The following CAMSAP2 variants were observed in gnomAD, a reference collection of about 807,000 sequenced individuals.
The protein encoded by CAMSAP2 is calmodulin regulated spectrin associated protein family member 2.
In CAMSAP2, 26 loss-of-function variants were observed where a neutral mutation model predicts 146.1. The observed-to-expected ratio is 0.18, with a 90% CI of 0.13 to 0.25. CAMSAP2 has a LOEUF of 0.25. Ranked by LOEUF, CAMSAP2 falls within the 10% of genes least tolerant of loss-of-function variation. The pLI, the probability that CAMSAP2 is intolerant of heterozygous loss-of-function variation, is 1.00. For missense variants in CAMSAP2, 1,381 were observed against 1,759.3 expected, an observed-to-expected ratio of 0.78 and a Z score of 3.85; for synonymous variants, 499 against 596.6, an observed-to-expected ratio of 0.84 and a Z score of 2.38.
chr1:200,833,907 G>A (rs1006794773), intron 6 of CAMSAP2, among the ~76,000 whole-genome samples: 12 of 152,066 alleles, frequency 7.9e-5, no homozygotes, highest in African/African-American at 2.9e-4. Context: ...TAATTGTTCT[G>A]TAGTTACCAG....
In CAMSAP2 at chr1:200,816,684, A is replaced by G. The variant is rs143543859; in HGVS notation, c.645+1040A>G. The stretch of plus-strand genomic sequence containing the variant: ...CATACACATGTGTATATGTGTGTAT[A>G]TGTACATGCACACATATATGTGTAT... On this transcript the variant is annotated intron_variant, in intron 4 of 16. Coordinates refer to ENST00000358823, the MANE Select transcript of CAMSAP2 (RefSeq NM_203459.4). Among the ~76,000 whole-genome samples, 442 of 142,534 alleles carry G rather than the reference A, an allele frequency of 3.1e-3. 33 individuals carry two copies. The highest frequency in any genetic ancestry group is 8.1e-3 in the Middle Eastern group (2 of 248). The allele number at this position is 142,534 out of a possible 152,430, so 93.5% of individuals were successfully genotyped here. A position where few individuals can be genotyped will look rare whatever the true frequency, so the allele number is the denominator to read the frequency against.
At chr1:200,788,580 T>A (rs1358578682) in intron 2 of CAMSAP2, among the ~76,000 whole-genome samples, 1 of 152,158 alleles carries the variant, frequency 6.6e-6, no homozygotes, top group Non-Finnish European at 1.5e-5. Flanking sequence ...ATTTAGACGT[T>A]CTAATAGGTT....
intron 4 of CAMSAP2, among the ~76,000 whole-genome samples, chr1:200,816,938 G>A (rs201672151): frequency 1.9e-5 from 1 of 52,622 alleles, no homozygotes; most frequent in African/African-American, 1.1e-4. Flanking sequence ...ACACACGCGT[G>A]TGTATGTGTG....
Position 200,817,188 on chromosome 1 carries a change from AC to A in CAMSAP2, c.645+1545del, listed in dbSNP as rs1419082815. Among the ~76,000 whole-genome samples the A allele has an allele frequency of 3.2e-3, 262 of 81,334 alleles. 2 individuals are homozygous for A. Among genetic ancestry groups the A allele is most frequent in the African/African-American group, 0.015 (238 of 15,608 alleles). 53.4% of individuals were successfully genotyped at this position (81,334 alleles called of 152,430 possible). A position where few individuals can be genotyped will look rare whatever the true frequency, so the allele number is the denominator to read the frequency against. ...CACGTGTGTGTATATACACACACAC[AC>A]ATGTGTGTGTGTATACACACATACA... On this transcript the variant is annotated intron_variant, in intron 4 of 16. Coordinates refer to ENST00000358823, the MANE Select transcript of CAMSAP2 (RefSeq NM_203459.4).
chr1:200,747,703 G>A (rs1664374466), intron 1 of CAMSAP2, among the ~76,000 whole-genome samples: 1 of 152,106 alleles, frequency 6.6e-6, no homozygotes, highest in Non-Finnish European at 1.5e-5. Context: ...AGGCTGTCTA[G>A]TCTCATGGTA....
At chr1:200,750,336 G>T (rs764798493) in intron 1 of CAMSAP2, among the ~76,000 whole-genome samples, 1 of 152,096 alleles carries the variant, frequency 6.6e-6, no homozygotes, top group African/African-American at 2.4e-5. Flanking sequence ...TGTTCGGCTC[G>T]ATGGATTGTG....
intron 1 of CAMSAP2, among the ~76,000 whole-genome samples, chr1:200,753,964 A>C (rs749897919): frequency 2.0e-5 from 3 of 152,212 alleles, no homozygotes; most frequent in Non-Finnish European, 4.4e-5. Context: ...CCCCAGAGCA[A>C]AGATATTCAG....
intron 2 of CAMSAP2, among the ~76,000 whole-genome samples, chr1:200,784,214 G>C (rs1665522833): frequency 6.6e-6 from 1 of 151,960 alleles, no homozygotes; most frequent in African/African-American, 2.4e-5. Context: ...GTTAGTGTAA[G>C]CCATCCGGCT....
At chr1:200,824,051 C>G (rs1024776226) in intron 4 of CAMSAP2, among the ~76,000 whole-genome samples, 3 of 152,092 alleles carry the variant, frequency 2.0e-5, no homozygotes, top group Non-Finnish European at 4.4e-5. Context: ...TGCCCCAATC[C>G]TTTTGTTTTT....
chr1:200,826,968 A>T (rs1666921928), intron 4 of CAMSAP2, among the ~76,000 whole-genome samples: 1 of 152,210 alleles, frequency 6.6e-6, no homozygotes, highest in African/African-American at 2.4e-5. Context: ...CTTCCCTGAA[A>T]ACCAAAAGGA....
intron 2 of CAMSAP2, among the ~76,000 whole-genome samples, chr1:200,766,409 G>A (rs1035855613): frequency 2.0e-5 from 3 of 152,078 alleles, no homozygotes; most frequent in Non-Finnish European, 4.4e-5. Flanking sequence ...GTGTGAGCTG[G>A]GATTACACCT....
chr1:200,750,292 G>A (rs1031963709), intron 1 of CAMSAP2, among the ~76,000 whole-genome samples: 5 of 151,954 alleles, frequency 3.3e-5, no homozygotes, highest in Admixed American at 3.3e-4. Flanking sequence ...TGAAGGAGAG[G>A]GAGGCATTAA....
chr1:200,741,038 T>G (rs1416167077), intron 1 of CAMSAP2, among the ~76,000 whole-genome samples: 1 of 152,238 alleles, frequency 6.6e-6, no homozygotes, highest in Non-Finnish European at 1.5e-5. Context: ...TTTCCAATTT[T>G]AGGACTATGT....
intron 8 of CAMSAP2, among the ~76,000 whole-genome samples, chr1:200,846,070 G>T (rs1442780761): frequency 1.3e-5 from 2 of 152,114 alleles, no homozygotes; most frequent in African/African-American, 4.8e-5. Flanking sequence ...AATGTCTTTT[G>T]TGGGTTTTTG....
chr1:200,819,177 G>A (rs1666683971), intron 4 of CAMSAP2, among the ~76,000 whole-genome samples: 1 of 152,314 alleles, frequency 6.6e-6, no homozygotes, highest in South Asian at 2.1e-4. Context: ...ATGTATTTCT[G>A]ATCATTGGAT....
At chr1:200,842,921 A>G (rs1667362582) in intron 7 of CAMSAP2, among the ~76,000 whole-genome samples, 1 of 151,240 alleles carries the variant, frequency 6.6e-6, no homozygotes, top group South Asian at 2.1e-4. Flanking sequence ...GGTTGCAGTG[A>G]GCGAGATTGC....
At chr1:200,744,241 G>A (rs1049139739) in intron 1 of CAMSAP2, among the ~76,000 whole-genome samples, 1 of 152,154 alleles carries the variant, frequency 6.6e-6, no homozygotes, top group Non-Finnish European at 1.5e-5. Flanking sequence ...ATGGAAAGGA[G>A]GCAAATGATA....
intron 8 of CAMSAP2, 21 bp from the exon 9 acceptor site, chr1:200,847,189 T>A: frequency 1.3e-6 from 2 of 1,561,102 alleles, no homozygotes; most frequent in Non-Finnish European, 8.8e-7. Flanking sequence ...TATAACATTT[T>A]AAATTTATTT....
chr1:200,791,990 A>G (rs951337046), intron 2 of CAMSAP2, among the ~76,000 whole-genome samples: 26 of 152,132 alleles, frequency 1.7e-4, no homozygotes, highest in African/African-American at 5.8e-4. Flanking sequence ...CTTACCCAAA[A>G]TAATTTTTTT....
Sources: allele counts gnomAD v4.1 joint callset (sites outside exome capture counted in the v4.1 genomes callset), GRCh38; gene constraint gnomAD v4.1.1; transcripts MANE v1.5; gene names NCBI Gene and HGNC (gene_info 2026-07-23, HGNC 2026-07-21).